ZNF385D: variants seen among roughly 807,000 people sequenced by gnomAD.
The protein encoded by ZNF385D is zinc finger protein 385D, also known as zinc finger protein 659.
In ZNF385D, 15 loss-of-function variants were observed where a neutral mutation model predicts 35.8. The observed-to-expected ratio is 0.42, with a 90% CI of 0.28 to 0.64. The LOEUF is 0.64. Ranked by LOEUF, ZNF385D falls within the 30% of genes least tolerant of loss-of-function variation. The pLI is 0.23. For synonymous variants in ZNF385D, 212 were observed against 186.8 expected (o/e 1.13, Z -1.10); for missense variants, 474 against 494.6 (o/e 0.96, Z 0.39).
intron 3 of ZNF385D, among the ~76,000 whole-genome samples, chr3:22,023,326 A>G (rs1697335246): frequency 6.6e-6 from 1 of 152,152 alleles, no homozygotes; most frequent in East Asian, 1.9e-4. Flanking sequence ...TTTAGAGTCC[A>G]TATGCTTTAA....
intron 1 of ZNF385D, among the ~76,000 whole-genome samples, chr3:21,667,558 G>A (rs1009088417): frequency 2.6e-5 from 4 of 152,094 alleles, no homozygotes; most frequent in Non-Finnish European, 4.4e-5. Flanking sequence ...ATTCGGTAAG[G>A]GTTAACAACA....
At position 22,164,828 on chromosome 3, in the gene ZNF385D, C is replaced by T. The variant is rs567995621; in HGVS notation, c.325+3989G>A. ...ATTTTTATTTAAAAGCAGGATAGTT[C>T]GATGCTAAAAAAGGAATGAGCTATC... On this transcript the variant is annotated intron_variant, in intron 3 of 5. Transcript: ENST00000494108. 3.6e-4 allele frequency among the ~76,000 whole-genome samples: 55 copies of T among 151,176 alleles called. No individual in the cohort carries two copies. In the South Asian group the frequency reaches 4.8e-3, roughly 13 times the overall value.
intron 2 of ZNF385D, among the ~76,000 whole-genome samples, chr3:22,288,584 G>A (rs9828946): frequency 0.14 from 21,051 of 151,764 alleles, 3,020 homozygotes; most frequent in African/African-American, 0.37. Context: ...ATTTCTGTTT[G>A]GTACTTTTTA....
intron 3 of ZNF385D, among the ~76,000 whole-genome samples, chr3:22,041,164 T>C (rs553165193): frequency 2.1e-5 from 3 of 140,590 alleles, no homozygotes; most frequent in Non-Finnish European, 3.3e-5. Flanking sequence ...CCAAAAGGGT[T>C]GATATTTTAC....
At chr3:21,765,520 T>C (rs1379198549) in intron 3 of ZNF385D, among the ~76,000 whole-genome samples, 1 of 152,008 alleles carries the variant, frequency 6.6e-6, no homozygotes, top group African/African-American at 2.4e-5. Flanking sequence ...TCATGTTTGT[T>C]CTCAAAAACA....
chr3:21,842,512 G>T (rs112768742), intron 3 of ZNF385D, among the ~76,000 whole-genome samples: 3 of 151,942 alleles, frequency 2.0e-5, no homozygotes, highest in African/African-American at 7.2e-5. Context: ...CCATTTGGTC[G>T]ACACAGGCTC....
rs569023818 is a variant in ZNF385D at position 22,275,954 on chromosome 3, G to A, written c.106+96496C>T. On this transcript the variant is annotated intron_variant, in intron 2 of 5. Coordinates refer to the ZNF385D transcript ENST00000494108. ...ACAAAAATTAGCTGGGCATGGTGGC[G>A]TGTGCCTGTAATCCCAGCTACTCAG... is the stretch of plus-strand genomic sequence containing the variant. 2.5e-4 allele frequency among the ~76,000 whole-genome samples: 38 copies of A among 152,116 alleles called. No homozygotes were observed. In the East Asian group the frequency reaches 3.7e-3, roughly 15 times the overall value.
chr3:21,434,209 G>T (rs1445109224), intron 5 of ZNF385D, among the ~76,000 whole-genome samples: 1 of 152,154 alleles, frequency 6.6e-6, no homozygotes, highest in South Asian at 2.1e-4. Context: ...CAACTTGGTA[G>T]TTGGCTAAAT....
At chr3:21,955,535 T>C (rs1268987934) in intron 3 of ZNF385D, among the ~76,000 whole-genome samples, 2 of 152,122 alleles carry the variant, frequency 1.3e-5, no homozygotes, top group Admixed American at 6.6e-5. Flanking sequence ...TCATTCTGGA[T>C]TCAGAATCAT....
At chr3:22,098,700 A>G (rs1227131210) in intron 3 of ZNF385D, among the ~76,000 whole-genome samples, 3 of 152,118 alleles carry the variant, frequency 2.0e-5, no homozygotes, top group African/African-American at 7.2e-5. Context: ...ATGTCACATG[A>G]TAAGTAAGCA....
intron 3 of ZNF385D, among the ~76,000 whole-genome samples, chr3:21,968,018 G>A (rs748677382): frequency 1.2e-4 from 18 of 152,192 alleles, no homozygotes; most frequent in Non-Finnish European, 1.0e-4. Context: ...AGGTAGGAAA[G>A]AAAGTCTTGA....
Position 21,669,908 on chromosome 3 carries a change from G to T in ZNF385D, c.23-4880C>A, listed in dbSNP as rs765380780. Among the ~76,000 whole-genome samples the T allele has an allele frequency of 2.0e-5, 3 of 151,948 alleles. No homozygotes were observed. The South Asian group carries it at 6.2e-4, about 32-fold the overall frequency. ...ATATTGAAATACTCCATGAGAGTGCGGTGGTTTTCTCTCCATAATACAACG... is the reference window on the plus strand; with the variant it reads ...ATATTGAAATACTCCATGAGAGTGCTGTGGTTTTCTCTCCATAATACAACG... On this transcript the variant is annotated intron_variant, in intron 1 of 7. Transcript: ENST00000281523.
chr3:22,175,895 G>T (rs1694797603), intron 2 of ZNF385D, among the ~76,000 whole-genome samples: 1 of 148,256 alleles, frequency 6.7e-6, no homozygotes, highest in Non-Finnish European at 1.5e-5. Context: ...TACTGTTATG[G>T]TAAAACATTA....
At chr3:21,605,285 A>G (rs1217498491) in intron 2 of ZNF385D, among the ~76,000 whole-genome samples, 1 of 152,198 alleles carries the variant, frequency 6.6e-6, no homozygotes, top group East Asian at 1.9e-4. Flanking sequence ...ACCAAAAGAA[A>G]GGATTTGTAT....
At position 21,413,778 on chromosome 3, in the gene ZNF385D, A is replaced by G. The variant is rs1700524919; in HGVS notation, c.*7436T>C. On this transcript the variant is annotated 3_prime_UTR_variant, in exon 8 of 8. Coordinates refer to ENST00000281523, the MANE Select transcript of ZNF385D (RefSeq NM_024697.3). ...GTGAACATTAATGCCAAAGTTTTCA[A>G]TAAGCTTGGTTGTCAAAAGAACACT... 1 of 152,146 alleles carries G rather than the reference A, an allele frequency of 6.6e-6. No homozygotes were observed. Among genetic ancestry groups the G allele is most frequent in the South Asian group, 2.1e-4 (1 of 4,836 alleles). 9.4% of individuals were successfully genotyped at this position (152,146 alleles called of 1,614,324 possible).
At chr3:21,788,559 C>T (rs2071795879) in intron 3 of ZNF385D, among the ~76,000 whole-genome samples, 2 of 152,204 alleles carry the variant, frequency 1.3e-5, no homozygotes, top group African/African-American at 2.4e-5. Context: ...AACCACGTAG[C>T]TTTTCTTAGT....
At chr3:21,937,374 C>T (rs1252352884) in intron 3 of ZNF385D, among the ~76,000 whole-genome samples, 1 of 152,138 alleles carries the variant, frequency 6.6e-6, no homozygotes, top group Non-Finnish European at 1.5e-5. Context: ...ATGACTTTTA[C>T]AGTTATTTGC....
chr3:21,969,281 G>C (rs990274688), intron 3 of ZNF385D, among the ~76,000 whole-genome samples: 1 of 152,088 alleles, frequency 6.6e-6, no homozygotes, highest in African/African-American at 2.4e-5. Context: ...TAATCCCCAC[G>C]TGTTAAGGGA....
At chr3:21,502,588 TATA>T (rs1404409438) in intron 4 of ZNF385D, among the ~76,000 whole-genome samples, 1 of 152,194 alleles carries the variant, frequency 6.6e-6, no homozygotes, top group Non-Finnish European at 1.5e-5. Context: ...AAGAACAGAA[TATA>T]ATATTTTGTT....
Sources: gnomAD v4.1 joint callset for allele counts (sites outside exome capture counted in the v4.1 genomes callset) on GRCh38, gnomAD v4.1.1 for gene constraint, MANE v1.5 for transcripts, NCBI Gene and HGNC (gene_info 2026-07-23, HGNC 2026-07-21) for gene names.